The following MKS1 variants were observed in gnomAD, a reference collection of about 807,000 sequenced individuals.
MKS1 encodes the protein MKS transition zone complex subunit 1.
In MKS1, 70 loss-of-function variants were observed where a neutral mutation model predicts 83.7. That is an observed-to-expected ratio of 0.84 (90% CI 0.69 to 1.02). MKS1 has a LOEUF of 1.02. MKS1 is among the 50% of genes least tolerant of loss of function. The pLI is 0.00. For synonymous variants in MKS1, 251 were observed against 273.4 expected (o/e 0.92, Z 0.81); for missense variants, 681 against 726.9 (o/e 0.94, Z 0.73).
intron 4 of MKS1, chr17:58,215,048 A>G (rs1370826897): frequency 1.2e-5 from 8 of 686,458 alleles, no homozygotes; most frequent in East Asian, 6.6e-5. Flanking sequence ...TTGGATTTTA[A>G]AAAGGAGTTA....
Position 58,213,016 on chromosome 17 carries a change from T to C in MKS1, c.824A>G (p.Glu275Gly). The C allele has an allele frequency of 3.7e-6, 6 of 1,614,100 alleles. No homozygotes were observed. Among genetic ancestry groups the C allele is most frequent in the Non-Finnish European group, 5.1e-6 (6 of 1,179,990 alleles). The change falls in exon 8 of 18, where the codon GAG becomes GGG. Residue 275 changes from glutamate to glycine, a missense_variant. This residue lies in a region of MKS1 where 365 missense variants were observed against 383.8 expected (regional missense o/e 0.95). Coordinates refer to ENST00000393119, the MANE Select transcript of MKS1 (RefSeq NM_017777.4). ...CACTCGCCGTTCCCGCTCCTCCTCC[T>C]CCGGCTGTGCGTGGGGGGAAACATT... is the stretch of plus-strand genomic sequence containing the variant. ...IDNVSPHAQPEEEERERRVFK... is the reference protein window; with the variant it reads ...IDNVSPHAQPGEEERERRVFK...
At chr17:58,210,829 GCCAGGAAC>G in intron 10 of MKS1, 105 bp from the exon 11 acceptor site, 1 of 1,441,064 alleles carries the variant, frequency 6.9e-7, no homozygotes, top group East Asian at 2.3e-5. Flanking sequence ...TCTTTTGAGG[GCCAGGAAC>G]CCTCTGCGTT....
At chr17:58,216,593 G>T in intron 3 of MKS1, 73 bp downstream of exon 3, 2 of 1,495,966 alleles carry the variant, frequency 1.3e-6, no homozygotes, top group Non-Finnish European at 9.3e-7. Context: ...AATCACTTTG[G>T]CAATATGTAT....
intron 1 of MKS1, 82 bp downstream of exon 1, chr17:58,219,069 G>A: frequency 6.6e-7 from 1 of 1,514,718 alleles, no homozygotes; most frequent in East Asian, 2.5e-5. Context: ...CAGAAAGTGG[G>A]GACCTCAGAA....
intron 1 of MKS1, chr17:58,218,946 A>C: frequency 1.1e-6 from 1 of 875,266 alleles, no homozygotes; most frequent in Non-Finnish European, 1.8e-6. Flanking sequence ...GGGAGCAACA[A>C]AGACGTGAAT....
chr17:58,216,098 T>C lies in MKS1; in HGVS notation c.407A>G (p.Asn136Ser). Residue 136 changes from asparagine (N) to serine (S), a missense_variant, in exon 4 of 18, where the codon AAT (asparagine) becomes AGT (serine). Asn to Ser is a conservative substitution (Grantham distance 46). This residue lies in a region of MKS1 where 365 missense variants were observed against 383.8 expected (regional missense o/e 0.95). Coordinates refer to ENST00000393119, the MANE Select transcript of MKS1 (RefSeq NM_017777.4). The part of the protein sequence containing the change: ...FTYTDSDRYT[N>S]LEEHCQRMTT... ...TAGAAAGAACAATACCTCCTCCAAA[T>C]TGGTGTATCTATCAGAGTCAGTGTA... The C allele has an allele frequency of 6.2e-7, 1 of 1,614,186 alleles. No homozygotes were observed. The highest frequency in any genetic ancestry group is 8.5e-7 in the Non-Finnish European group (1 of 1,180,016).
chr17:58,206,229 G>A, intron 17 of MKS1, 54 bp downstream of exon 17: 6 of 1,613,936 alleles, frequency 3.7e-6, no homozygotes, highest in Admixed American at 1.7e-5. Flanking sequence ...CTGCACTGCA[G>A]AGAGAAACAG....
At chr17:58,215,025 TC>T in intron 4 of MKS1, 187 bp from the exon 5 acceptor site, 3 of 829,222 alleles carry the variant, frequency 3.6e-6, no homozygotes, top group Non-Finnish European at 5.5e-6. Flanking sequence ...TTCTACCACA[TC>T]ATGGTTTGCC....
intron 3 of MKS1, among the ~76,000 whole-genome samples, 173 bp downstream of exon 3, chr17:58,216,493 G>T (rs537911804): frequency 9.8e-5 from 15 of 152,296 alleles, no homozygotes; most frequent in African/African-American, 3.1e-4. Context: ...TCCTCACCCA[G>T]AATCACAAAA....
chr17:58,207,231 A>T lies in MKS1; in HGVS notation c.1274-13T>A. On this transcript the variant is annotated splice_polypyrimidine_tract_variant and intron_variant, in intron 14 of 17. Transcript: ENST00000393119. ...AGGGTGTGTGAGCCTGCGCAAGGGA[A>T]GAGAAGACTGGGGCCAGGTCCAGAA... 6.2e-7 allele frequency: 1 copy of T among 1,613,740 alleles called. No homozygotes were observed.
At chr17:58,208,377 C>A in intron 12 of MKS1, 136 bp downstream of exon 12, 1 of 1,099,586 alleles carries the variant, frequency 9.1e-7, no homozygotes, top group South Asian at 1.3e-5. Flanking sequence ...CCAGGTGGCC[C>A]TGTAGAACCC....
rs1567792927 is a variant in MKS1, at chr17:58,205,679, C to T, written c.*400G>A. On this transcript the variant is annotated 3_prime_UTR_variant, in exon 18 of 18. Coordinates refer to ENST00000393119, the MANE Select transcript of MKS1 (RefSeq NM_017777.4). ...ACCCTCTCACCGTCCACCTTCCTTC[C>T]TTCTTTGGTCTTGGAAGATGAAAGG... 1.6e-5 allele frequency: 21 copies of T among 1,313,204 alleles called. No homozygotes were observed. Among genetic ancestry groups the T allele is most frequent in the Non-Finnish European group, 2.0e-5 (20 of 995,154 alleles). The allele number at this position is 1,313,204 out of a possible 1,614,324, so 81.3% of individuals were successfully genotyped here. A position where few individuals can be genotyped will look rare whatever the true frequency, so the allele number is the denominator to read the frequency against.
intron 2 of MKS1, among the ~76,000 whole-genome samples, chr17:58,218,175 G>A (rs1483018371): frequency 2.6e-5 from 4 of 152,184 alleles, no homozygotes; most frequent in Admixed American, 6.5e-5. Flanking sequence ...TAGGACGGGC[G>A]CGGTGGCTCA....
Position 58,206,131 on chromosome 17 carries a change from C to T in MKS1, c.1628G>A (p.Arg543Gln), listed in dbSNP as rs1200480979. 1.5e-5 allele frequency: 25 copies of T among 1,613,392 alleles called. No homozygotes were observed. The highest frequency in any genetic ancestry group is 2.0e-5 in the Non-Finnish European group (24 of 1,179,894). The change falls in exon 18 of 18, where the codon CGG becomes CAG. Residue 543 changes from arginine (R) to glutamine (Q), a missense_variant. Around this residue, in one of 3 missense-constraint regions of MKS1, gnomAD observed 310 missense variants for 321.7 expected, o/e 0.96. Coordinates refer to ENST00000393119, the MANE Select transcript of MKS1 (RefSeq NM_017777.4). ...RRARRRMQEA[R>Q]ESLPQDLVSP... is the part of the protein sequence containing the mutation. ...CACTAGGTCCTGCGGGAGGCTTTCCCGGGCCTCCTGCATGCGGCGCCGGGC... is the reference window on the plus strand; with the variant it reads ...CACTAGGTCCTGCGGGAGGCTTTCCTGGGCCTCCTGCATGCGGCGCCGGGC...
At position 58,206,365 on chromosome 17, in the gene MKS1, C is replaced by T. The variant is rs368535131; in HGVS notation, c.1506G>A (p.Ser502=). 5.4e-5 allele frequency: 87 copies of T among 1,614,018 alleles called. No homozygotes were observed. The East Asian group carries it at 1.5e-3, about 27-fold the overall frequency. Residue 502 remains serine (S), a synonymous_variant, in exon 17 of 18, where the codon TCG becomes TCA. Coordinates refer to ENST00000393119, the MANE Select transcript of MKS1 (RefSeq NM_017777.4). ...TCCGCATCCTTTTCTGAAGGGAGCT[C>T]GATTCCATGAAGGCCCTGCAGGGAG... ...CLQQSRAFME[S]SSLQKRMRSV... is the part of the protein sequence containing the mutation.
Position 58,214,365 on chromosome 17 carries a change from G to A in MKS1, c.538C>T (p.Arg180Cys), listed in dbSNP as rs559966703. Residue 180 changes from arginine to cysteine, a missense_variant, in exon 6 of 18, where the codon CGC becomes TGC. Physicochemically the swap from Arg to Cys is radical, Grantham distance 180. Coordinates refer to ENST00000393119, the MANE Select transcript of MKS1 (RefSeq NM_017777.4). ...TCTGAGGGCTCCCAGGTGACGATGC[G>A]TGACTTGAGGATGCCGCCCTCCCTG... ...RGMEGGILKS[R>C]IVTWEPSEEF... 2.5e-5 allele frequency: 41 copies of A among 1,613,558 alleles called. No individual in the cohort carries two copies. In the Admixed American group the frequency reaches 4.0e-4, roughly 16 times the overall value.
intron 3 of MKS1, 76 bp from the exon 4 acceptor site, chr17:58,216,319 T>C: frequency 6.9e-7 from 1 of 1,458,702 alleles, no homozygotes; most frequent in South Asian, 1.1e-5. Flanking sequence ...AACTGTTTAA[T>C]CAAATCAGTT....
intron 7 of MKS1, 77 bp downstream of exon 7, chr17:58,213,688 T>A: frequency 9.4e-7 from 1 of 1,068,462 alleles, no homozygotes; most frequent in Non-Finnish European, 1.5e-6. Flanking sequence ...TTTCTGACAG[T>A]CTAGTTGACT....
Position 58,205,637 on chromosome 17 carries a change from C to A in MKS1, c.*442G>T, listed in dbSNP as rs1478969716. On this transcript the variant is annotated 3_prime_UTR_variant, in exon 18 of 18. Coordinates refer to ENST00000393119, the MANE Select transcript of MKS1 (RefSeq NM_017777.4). ...TTCCCTGGAAAGAGGCTGAGACTCA[C>A]AGGCTGGGGATTTAAGACCCTCTCA... is the stretch of plus-strand genomic sequence containing the variant. 4.6e-6 allele frequency: 6 copies of A among 1,307,254 alleles called. No individual in the cohort carries two copies. The South Asian group carries it at 7.4e-5, about 16-fold the overall frequency. The allele number at this position is 1,307,254 out of a possible 1,614,324, so 81.0% of individuals were successfully genotyped here. A position where few individuals can be genotyped will look rare whatever the true frequency, so the allele number is the denominator to read the frequency against.
Sources: allele counts gnomAD v4.1 joint callset (sites outside exome capture counted in the v4.1 genomes callset), GRCh38; gene constraint gnomAD v4.1.1; regional missense constraint gnomAD v4.1.1; transcripts MANE v1.5; gene names NCBI Gene and HGNC (gene_info 2026-07-23, HGNC 2026-07-21).